Variants in PARVA observed in about 807,000 individuals in gnomAD.
PARVA encodes the protein alpha-parvin.
Under a neutral mutation model 52.6 loss-of-function variants are expected in PARVA, and 25 were observed. The observed-to-expected ratio is 0.48, with a 90% CI of 0.35 to 0.66. PARVA has a LOEUF of 0.66. Among genes scored for constraint, PARVA ranks in the 30% least tolerant of loss-of-function variants. PARVA has a pLI of 0.01. For synonymous variants in PARVA, 185 were observed against 179.1 expected (o/e 1.03, Z -0.26); for missense variants, 373 against 450.9 (o/e 0.83, Z 1.56).
At position 12,530,781 on chromosome 11, in the gene PARVA, T is replaced by C. The variant is rs1313650363; in HGVS notation, c.*2856T>C. On this transcript the variant is annotated 3_prime_UTR_variant, in exon 13 of 13. Coordinates refer to ENST00000334956, the MANE Select transcript of PARVA (RefSeq NM_018222.5). ...TACCCTGGGTATTAAAAAGAACTCCTTTCACATTTTAAAATAACAATCTGA... is the reference window on the plus strand; with the variant it reads ...TACCCTGGGTATTAAAAAGAACTCCCTTCACATTTTAAAATAACAATCTGA... The C allele has an allele frequency of 6.6e-6, 1 of 152,200 alleles. No homozygotes were observed. The highest frequency in any genetic ancestry group is 1.5e-5 in the Non-Finnish European group (1 of 68,036). 9.4% of individuals were successfully genotyped at this position (152,200 alleles called of 1,614,324 possible).
chr11:12,390,737 T>C (rs565518897), intron 1 of PARVA, among the ~76,000 whole-genome samples: 1 of 152,272 alleles, frequency 6.6e-6, no homozygotes, highest in East Asian at 1.9e-4. Context: ...GTTTTCCTAT[T>C]TACCATGAGG....
chr11:12,478,642 G>A (rs376732036), intron 4 of PARVA: 304 of 159,284 alleles, frequency 1.9e-3, no homozygotes, highest in Middle Eastern at 0.016. Context: ...CTTTTCTAAA[G>A]CTGTTTCATC....
intron 1 of PARVA, among the ~76,000 whole-genome samples, chr11:12,412,275 G>A (rs1164051692): frequency 6.6e-6 from 1 of 152,216 alleles, no homozygotes; most frequent in African/African-American, 2.4e-5. Context: ...CTTAATGAAT[G>A]ACTCTTGATG....
rs749563854 is a variant in PARVA, at chr11:12,388,155, C to T, written c.136+10372C>T. Among the ~76,000 whole-genome samples the T allele has an allele frequency of 9.2e-5, 14 of 152,322 alleles. 1 individual carries two copies. The highest frequency in any genetic ancestry group is 3.4e-3 in the Middle Eastern group (1 of 294). ...GCCCTCCCCCAAAAGACAGAACTCA[C>T]CAAGAGGAGAAGATGGCTGGAGGGC... On this transcript the variant is annotated intron_variant, in intron 1 of 12. Coordinates refer to ENST00000334956, the MANE Select transcript of PARVA (RefSeq NM_018222.5).
intron 10 of PARVA, 68 bp downstream of exon 10, chr11:12,514,133 A>G: frequency 1.6e-6 from 2 of 1,280,152 alleles, no homozygotes; most frequent in South Asian, 2.4e-5. Flanking sequence ...CAAGTGGCCC[A>G]CCACACTTGG....
chr11:12,472,757 T>C (rs2135035055), intron 1 of PARVA, among the ~76,000 whole-genome samples: 1 of 152,314 alleles, frequency 6.6e-6, no homozygotes, highest in Middle Eastern at 3.4e-3. Flanking sequence ...TATTAGCTCT[T>C]TAAGAACCTC....
intron 1 of PARVA, among the ~76,000 whole-genome samples, chr11:12,396,140 G>A (rs1284742117): frequency 6.6e-6 from 1 of 152,206 alleles, no homozygotes; most frequent in Non-Finnish European, 1.5e-5. Flanking sequence ...GCCCAGAGAA[G>A]TGAACTGACT....
chr11:12,457,896 C>T (rs964320193), intron 1 of PARVA, among the ~76,000 whole-genome samples: 2 of 152,222 alleles, frequency 1.3e-5, no homozygotes, highest in African/African-American at 4.8e-5. Flanking sequence ...CTCCCTGGTC[C>T]CCCCTGGCAG....
intron 1 of PARVA, among the ~76,000 whole-genome samples, chr11:12,434,891 T>A (rs1288686256): frequency 1.3e-5 from 2 of 152,162 alleles, no homozygotes; most frequent in Non-Finnish European, 2.9e-5. Context: ...TTAGTCTGCC[T>A]AAGTGACTTG....
rs768957369 is a variant in PARVA, at chr11:12,514,077, A to G, written c.867+12A>G. On this transcript the variant is annotated intron_variant, in intron 10 of 12. Transcript: ENST00000334956. ...AACTGGAAACCCAGGTGGGTGACAG[A>G]CCCCAGCACAGGTAGAGGCAGGGCC... 1.2e-6 allele frequency: 2 copies of G among 1,608,282 alleles called. No individual in the cohort carries two copies. Among genetic ancestry groups the G allele is most frequent in the East Asian group, 4.5e-5 (2 of 44,834 alleles).
At position 12,492,424 on chromosome 11, in the gene PARVA, A is replaced by G. The variant is rs78192116; in HGVS notation, c.401-4034A>G. ...GAGAGAAACAGTTTCCTGGAAGAAT[A>G]AAACTTCAGCAATAGAAAACTTTAT... On this transcript the variant is annotated intron_variant, in intron 4 of 12. Transcript: ENST00000334956. 4.0e-4 allele frequency among the ~76,000 whole-genome samples: 61 copies of G among 152,346 alleles called. No homozygotes were observed. The East Asian group carries it at 0.012, about 29-fold the overall frequency.
At chr11:12,482,497 G>T (rs560152148) in intron 4 of PARVA, among the ~76,000 whole-genome samples, 1 of 151,642 alleles carries the variant, frequency 6.6e-6, no homozygotes, top group Admixed American at 6.6e-5. Context: ...GTGGTGGTGG[G>T]CACCTGCAAT....
chr11:12,496,340 T>TTGCTAGAGTGCATGCA, intron 4 of PARVA, 118 bp from the exon 5 acceptor site: 1 of 394,060 alleles, frequency 2.5e-6, no homozygotes, highest in Non-Finnish European at 3.8e-6. Context: ...GTATCTATTG[T>TTGCTAGAGTGCATGCA]TGCAAGAGTG....
At chr11:12,461,220 A>C (rs1377513234) in intron 1 of PARVA, among the ~76,000 whole-genome samples, 2 of 152,142 alleles carry the variant, frequency 1.3e-5, no homozygotes, top group African/African-American at 4.8e-5. Flanking sequence ...CATGCTTATG[A>C]ATCTGTGAGA....
At chr11:12,516,003 A>AT (rs1443105346) in intron 10 of PARVA, among the ~76,000 whole-genome samples, 2 of 152,062 alleles carry the variant, frequency 1.3e-5, no homozygotes, top group African/African-American at 4.8e-5. Flanking sequence ...TACCCGGTTA[A>AT]TTTTTTTGTA....
intron 4 of PARVA, among the ~76,000 whole-genome samples, chr11:12,485,207 T>A (rs1197746833): frequency 1.3e-5 from 2 of 152,150 alleles, no homozygotes; most frequent in Non-Finnish European, 2.9e-5. Flanking sequence ...CAAAAGAGTT[T>A]CCAGGAAGCC....
intron 4 of PARVA, chr11:12,479,320 C>G (rs866533778): frequency 7.0e-6 from 1 of 142,724 alleles, no homozygotes; most frequent in Non-Finnish European, 1.5e-5. Context: ...TTTTTTTTTT[C>G]TTGAGACAGA....
chr11:12,456,284 C>T (rs991787856), intron 1 of PARVA, among the ~76,000 whole-genome samples: 29 of 152,310 alleles, frequency 1.9e-4, no homozygotes, highest in Admixed American at 4.6e-4. Context: ...ATGTCATCTA[C>T]GCTTCATTAT....
chr11:12,517,980 C>T (rs1941591692), intron 11 of PARVA, among the ~76,000 whole-genome samples: 2 of 152,198 alleles, frequency 1.3e-5, no homozygotes, highest in Non-Finnish European at 1.5e-5. Flanking sequence ...GCCCAGCCTC[C>T]TCTCTCCCCA....
Sources: allele counts gnomAD v4.1 joint callset (sites outside exome capture counted in the v4.1 genomes callset), GRCh38; gene constraint gnomAD v4.1.1; transcripts MANE v1.5; gene names NCBI Gene and HGNC (gene_info 2026-07-23, HGNC 2026-07-21).